ROR1: variants seen among roughly 807,000 people sequenced by gnomAD.
ROR1 encodes the protein ROR family WNT receptor 1, also known as inactive tyrosine-protein kinase transmembrane receptor ROR1.
Under a neutral mutation model 78.8 loss-of-function variants are expected in ROR1, and 19 were observed. That is an observed-to-expected ratio of 0.24 (90% CI 0.17 to 0.35). ROR1 has a LOEUF of 0.35. Ranked by LOEUF, ROR1 falls within the 10% of genes least tolerant of loss-of-function variation. The pLI is 1.00. For missense variants in ROR1, 917 were observed against 1,177.8 expected, an observed-to-expected ratio of 0.78 and a Z score of 3.24; for synonymous variants, 386 against 433.6, an observed-to-expected ratio of 0.89 and a Z score of 1.36.
chr1:64,067,562 G>A (rs1314914966), intron 4 of ROR1, among the ~76,000 whole-genome samples: 1 of 149,194 alleles, frequency 6.7e-6, no homozygotes, highest in African/African-American at 2.5e-5. Flanking sequence ...CAATTTTCTA[G>A]TAACTGAATC....
chr1:63,785,299 A>G (rs2100226963), intron 1 of ROR1, among the ~76,000 whole-genome samples: 1 of 152,068 alleles, frequency 6.6e-6, no homozygotes, highest in African/African-American at 2.4e-5. Context: ...CTGAACTTCC[A>G]TTGTGGTGAT....
chr1:64,017,445 G>A (rs1570065523), intron 2 of ROR1, among the ~76,000 whole-genome samples: 1 of 152,160 alleles, frequency 6.6e-6, no homozygotes, highest in Admixed American at 6.5e-5. Flanking sequence ...TTGGCAAGAT[G>A]AGGGATATGG....
At chr1:63,893,935 G>A (rs1453152290) in intron 1 of ROR1, among the ~76,000 whole-genome samples, 1 of 151,962 alleles carries the variant, frequency 6.6e-6, no homozygotes, top group African/African-American at 2.4e-5. Context: ...CTCAGCATAC[G>A]ATTTTTTTCT....
At chr1:63,801,600 T>C (rs1644797849) in intron 1 of ROR1, among the ~76,000 whole-genome samples, 1 of 152,144 alleles carries the variant, frequency 6.6e-6, no homozygotes, top group African/African-American at 2.4e-5. Flanking sequence ...TGGCCGGGTA[T>C]CATGTATTTT....
chr1:63,891,514 G>C (rs1569868060), intron 1 of ROR1, among the ~76,000 whole-genome samples: 2 of 152,094 alleles, frequency 1.3e-5, no homozygotes, highest in African/African-American at 4.8e-5. Context: ...GTTAATTTTA[G>C]GTGTCAACTT....
chr1:63,823,411 G>GT (rs1197169939), intron 1 of ROR1, among the ~76,000 whole-genome samples: 3 of 131,640 alleles, frequency 2.3e-5, no homozygotes, highest in African/African-American at 5.7e-5. Flanking sequence ...CGCTTTGAAA[G>GT]TTTTTTTGAT....
intron 1 of ROR1, among the ~76,000 whole-genome samples, chr1:63,999,248 A>G (rs1036211257): frequency 6.6e-6 from 1 of 152,252 alleles, no homozygotes; most frequent in African/African-American, 2.4e-5. Context: ...TGATTATGAC[A>G]GGTGAAGATG....
At position 64,025,064 on chromosome 1, in the gene ROR1, A is replaced by T. The variant is rs189895833; in HGVS notation, c.163+15688A>T. On this transcript the variant is annotated intron_variant, in intron 2 of 8. Transcript: ENST00000371079. ...CAATCTTTGGTGTCATGCTTAGAAAAGCCTTCCATTCTCCAAGATGATCAA... is the reference window on the plus strand; with the variant it reads ...CAATCTTTGGTGTCATGCTTAGAAATGCCTTCCATTCTCCAAGATGATCAA... Among the ~76,000 whole-genome samples, 307 of 151,878 alleles carry T rather than the reference A, an allele frequency of 2.0e-3. 2 individuals carry two copies. Among genetic ancestry groups the T allele is most frequent in the African/African-American group, 6.9e-3 (286 of 41,534 alleles).
At chr1:63,931,708 G>T (rs568591168) in intron 1 of ROR1, among the ~76,000 whole-genome samples, 1 of 152,184 alleles carries the variant, frequency 6.6e-6, no homozygotes, top group East Asian at 1.9e-4. Context: ...TAGCCATCTG[G>T]GTTATCAGAT....
intron 1 of ROR1, among the ~76,000 whole-genome samples, chr1:63,906,047 A>T (rs545597734): frequency 6.6e-6 from 1 of 152,204 alleles, no homozygotes; most frequent in Admixed American, 6.5e-5. Context: ...GTTATTTCCT[A>T]TAGACATTTT....
chr1:63,839,345 C>CATCTATCTATCTATCT (rs36224861), intron 1 of ROR1, among the ~76,000 whole-genome samples: 2 of 147,058 alleles, frequency 1.4e-5, no homozygotes, highest in African/African-American at 2.5e-5. Context: ...GTCTCCATAT[C>CATCTATCTATCTATCT]ATCTATCTAT....
chr1:63,995,917 A>G (rs1254632374), intron 1 of ROR1, among the ~76,000 whole-genome samples: 1 of 152,082 alleles, frequency 6.6e-6, no homozygotes, highest in Non-Finnish European at 1.5e-5. Context: ...ACAGAAATAC[A>G]CTCCACCTCT....
rs188738193 is a variant in ROR1 at position 64,116,156 on chromosome 1, C to A, written c.483-21213C>A. Among the ~76,000 whole-genome samples the A allele has an allele frequency of 2.0e-3, 307 of 152,234 alleles. 1 individual carries two copies. Among genetic ancestry groups the A allele is most frequent in the African/African-American group, 7.2e-3 (300 of 41,538 alleles). On this transcript the variant is annotated intron_variant, in intron 4 of 8. Coordinates refer to ENST00000371079, the MANE Select transcript of ROR1 (RefSeq NM_005012.4). ...ATGAGATGAGACCATCCCGTTCCAC[C>A]GCACTTTCAAGTTAATCCATGCTCT...
At position 63,942,484 on chromosome 1, in the gene ROR1, T is replaced by C. The variant is rs150565355; in HGVS notation, c.92-66821T>C. ...CTTATTTTACTTAAGTGCCTCCACT[T>C]AGATTTTCTTAAGGGCAAGAGCCAC... On this transcript the variant is annotated intron_variant, in intron 1 of 8. Transcript: ENST00000371079. Among the ~76,000 whole-genome samples the C allele has an allele frequency of 9.1e-4, 138 of 152,302 alleles. 3 individuals carry two copies. In the East Asian group the frequency reaches 0.025, roughly 28 times the overall value.
intron 1 of ROR1, among the ~76,000 whole-genome samples, chr1:63,791,229 T>C (rs1296525629): frequency 1.3e-5 from 2 of 151,962 alleles, no homozygotes; most frequent in African/African-American, 2.4e-5. Context: ...GTGAAAACAA[T>C]GATGGTGACA....
intron 7 of ROR1, among the ~76,000 whole-genome samples, chr1:64,154,543 T>C (rs1649719800): frequency 6.6e-6 from 1 of 152,244 alleles, no homozygotes; most frequent in Non-Finnish European, 1.5e-5. Flanking sequence ...TAAAAGTACC[T>C]CTTTAATAAG....
chr1:64,079,699 C>T (rs1044626965), intron 4 of ROR1, among the ~76,000 whole-genome samples: 2 of 152,128 alleles, frequency 1.3e-5, no homozygotes, highest in African/African-American at 4.8e-5. Flanking sequence ...CCAGGCTGGT[C>T]TTGAACTCCT....
intron 4 of ROR1, among the ~76,000 whole-genome samples, chr1:64,090,912 G>A (rs1285814708): frequency 2.0e-5 from 3 of 152,026 alleles, no homozygotes; most frequent in African/African-American, 7.3e-5. Context: ...ACTCAGCATG[G>A]GCCTATTGTC....
rs199995071 is a variant in ROR1, at chr1:63,912,313, C to A, written c.92-96992C>A. 5.9e-3 allele frequency among the ~76,000 whole-genome samples: 814 copies of A among 138,928 alleles called. 9 individuals are homozygous for A. Among genetic ancestry groups the A allele is most frequent in the African/African-American group, 0.019 (741 of 38,576 alleles). 91.1% of individuals were successfully genotyped at this position (138,928 alleles called of 152,430 possible). A position where few individuals can be genotyped will look rare whatever the true frequency, so the allele number is the denominator to read the frequency against. On this transcript the variant is annotated intron_variant, in intron 1 of 8. Transcript: ENST00000371079. ...ACCCTATCTCAAAAAAAAAAAAAAACAAAAAACAGAAGACATGGTCCTGAT... is the reference window on the plus strand; with the variant it reads ...ACCCTATCTCAAAAAAAAAAAAAAAAAAAAAACAGAAGACATGGTCCTGAT...
Sources: gnomAD v4.1 joint callset for allele counts (sites outside exome capture counted in the v4.1 genomes callset) on GRCh38, gnomAD v4.1.1 for gene constraint, MANE v1.5 for transcripts, NCBI Gene and HGNC (gene_info 2026-07-23, HGNC 2026-07-21) for gene names.